MAP7: variants seen among roughly 807,000 people sequenced by gnomAD.
MAP7 encodes the protein microtubule associated protein 7.
A neutral mutation model predicts 94.8 loss-of-function variants in MAP7; 52 were observed. The observed-to-expected ratio is 0.55, with a 90% confidence interval of 0.44 to 0.69. MAP7 has a LOEUF of 0.69. Among genes scored for constraint, MAP7 ranks in the 30% least tolerant of loss-of-function variants. The pLI is 0.00. For missense variants in MAP7, 940 were observed against 964.6 expected (o/e 0.97, Z 0.34); for synonymous variants, 350 against 357.0 (o/e 0.98, Z 0.22).
At chr6:136,444,805 C>A (rs920656910) in intron 1 of MAP7, among the ~76,000 whole-genome samples, 1 of 152,184 alleles carries the variant, frequency 6.6e-6, no homozygotes, top group Non-Finnish European at 1.5e-5. Context: ...TCCATAGGTG[C>A]TTCAAGCTTT....
intron 1 of MAP7, among the ~76,000 whole-genome samples, chr6:136,448,213 G>A (rs981481351): frequency 1.3e-5 from 2 of 151,892 alleles, no homozygotes; most frequent in African/African-American, 2.4e-5. Flanking sequence ...AAAAAGAACT[G>A]AGCTGTTTAA....
intron 1 of MAP7, among the ~76,000 whole-genome samples, chr6:136,492,107 TG>T (rs999631826): frequency 4.0e-5 from 6 of 150,664 alleles, no homozygotes; most frequent in Admixed American, 6.6e-5. Context: ...GGGCAGGGGG[TG>T]GGGGGAGAGA....
intron 3 of MAP7, among the ~76,000 whole-genome samples, chr6:136,393,996 T>C (rs2128679940): frequency 6.9e-6 from 1 of 145,870 alleles, no homozygotes; most frequent in East Asian, 2.0e-4. Context: ...TTTTTTTTTT[T>C]TTTTTGAGAC....
intron 1 of MAP7, among the ~76,000 whole-genome samples, chr6:136,499,744 A>G (rs1461115893): frequency 6.6e-6 from 1 of 152,128 alleles, no homozygotes; most frequent in Non-Finnish European, 1.5e-5. Context: ...CACAGCTGTA[A>G]TCCCAGGACT....
In MAP7 at chr6:136,377,743, G is replaced by A. The variant is rs1238196859; in HGVS notation, c.751+12C>T. 2 of 1,605,182 alleles carry A rather than the reference G, an allele frequency of 1.2e-6. No individual in the cohort carries two copies. Among genetic ancestry groups the A allele is most frequent in the Admixed American group, 3.3e-5 (2 of 60,022 alleles). The stretch of plus-strand genomic sequence containing the variant: ...TGACCTCATGGGGAAAGTTCCACCT[G>A]GACAGTTTTACCTGCTTCTCCAGAC... On this transcript the variant is annotated intron_variant, in intron 7 of 17. Coordinates refer to ENST00000354570, the MANE Select transcript of MAP7 (RefSeq NM_003980.6).
intron 2 of MAP7, among the ~76,000 whole-genome samples, chr6:136,417,413 T>C (rs899802143): frequency 7.2e-5 from 11 of 152,228 alleles, no homozygotes; most frequent in African/African-American, 2.2e-4. Flanking sequence ...AGTACGGTCA[T>C]GCTACTACAG....
Position 136,344,169 on chromosome 6 carries a change from A to C in MAP7, c.*59T>G, listed in dbSNP as rs1187008284. 1.1e-5 allele frequency: 10 copies of C among 923,318 alleles called. No homozygotes were observed. In the East Asian group the frequency reaches 1.2e-4, roughly 11 times the overall value. The allele number at this position is 923,318 out of a possible 1,614,324, so 57.2% of individuals were successfully genotyped here. On this transcript the variant is annotated 3_prime_UTR_variant, in exon 18 of 18. Transcript: ENST00000354570. ...GATGCTCCTTTATAGCAGGAAAGGA[A>C]TTCCATTAATTGTAGAAATTCTCAT...
Position 136,376,298 on chromosome 6 carries a change from C to T in MAP7, c.751+1457G>A, listed in dbSNP as rs566160261. 2.0e-5 allele frequency among the ~76,000 whole-genome samples: 3 copies of T among 151,222 alleles called. No homozygotes were observed. The East Asian group carries it at 5.9e-4, about 30-fold the overall frequency. On this transcript the variant is annotated intron_variant, in intron 7 of 17. Coordinates refer to ENST00000354570, the MANE Select transcript of MAP7 (RefSeq NM_003980.6). ...TATTTTTAGTAGAGACGGGGTTTCA[C>T]CGTGTTAGCCAGGATGGTCTCGATT...
intron 13 of MAP7, 72 bp downstream of exon 13, chr6:136,360,625 C>G: frequency 7.4e-7 from 1 of 1,342,600 alleles, no homozygotes; most frequent in Non-Finnish European, 1.1e-6. Context: ...CGTTTTCTGA[C>G]GGCCAGGGCT....
chr6:136,449,891 TC>T (rs1384673859), intron 1 of MAP7, among the ~76,000 whole-genome samples: 2 of 152,066 alleles, frequency 1.3e-5, no homozygotes, highest in African/African-American at 4.8e-5. Context: ...CTTTTTAAAC[TC>T]CATTTGGAGG....
chr6:136,533,092 G>A (rs979724968), intron 1 of MAP7, among the ~76,000 whole-genome samples: 11 of 152,146 alleles, frequency 7.2e-5, no homozygotes, highest in South Asian at 6.2e-4. Context: ...GACCAACATG[G>A]AGAAACCCCA....
chr6:136,495,479 CACACAT>C (rs1421843189), intron 1 of MAP7, among the ~76,000 whole-genome samples: 1 of 151,700 alleles, frequency 6.6e-6, no homozygotes, highest in African/African-American at 2.4e-5. Context: ...CACACACACA[CACACAT>C]AAACACACAC....
At chr6:136,483,607 G>A (rs1300702190) in intron 1 of MAP7, among the ~76,000 whole-genome samples, 1 of 151,866 alleles carries the variant, frequency 6.6e-6, no homozygotes, top group East Asian at 1.9e-4. Context: ...GCGACATTTG[G>A]CTCCTTTATA....
At chr6:136,535,686 G>A (rs995651617) in intron 1 of MAP7, among the ~76,000 whole-genome samples, 1 of 151,080 alleles carries the variant, frequency 6.6e-6, no homozygotes, top group African/African-American at 2.4e-5. Flanking sequence ...ATTTAGGATT[G>A]AGTGCCAAGC....
intron 3 of MAP7, among the ~76,000 whole-genome samples, chr6:136,409,478 T>C (rs1786683450): frequency 6.6e-6 from 1 of 152,220 alleles, no homozygotes; most frequent in Admixed American, 6.5e-5. Flanking sequence ...AATAATACAA[T>C]CATCTAGATA....
intron 16 of MAP7, among the ~76,000 whole-genome samples, chr6:136,351,847 CG>C (rs1789302635): frequency 6.6e-6 from 1 of 152,118 alleles, no homozygotes; most frequent in Admixed American, 6.6e-5. Context: ...GCTTTCTGGT[CG>C]GTGTGTGCTT....
intron 16 of MAP7, among the ~76,000 whole-genome samples, chr6:136,347,461 A>T (rs1164410017): frequency 6.6e-6 from 1 of 152,086 alleles, no homozygotes; most frequent in Non-Finnish European, 1.5e-5. Flanking sequence ...GCTGGAGTGC[A>T]GTGGTACAGT....
chr6:136,353,641 C>A, intron 16 of MAP7, among the ~76,000 whole-genome samples: 1 of 152,150 alleles, frequency 6.6e-6, no homozygotes, highest in East Asian at 1.9e-4. Flanking sequence ...GCAGCTTTGA[C>A]CTCCTGGGCT....
At chr6:136,434,811 T>C (rs1795936525) in intron 1 of MAP7, among the ~76,000 whole-genome samples, 2 of 152,188 alleles carry the variant, frequency 1.3e-5, no homozygotes, top group Admixed American at 1.3e-4. Context: ...CAAAGTGTGC[T>C]ATGTGGCAGG....
Sources: gnomAD v4.1 joint callset for allele counts (sites outside exome capture counted in the v4.1 genomes callset) on GRCh38, gnomAD v4.1.1 for gene constraint, MANE v1.5 for transcripts, NCBI Gene and HGNC (gene_info 2026-07-23, HGNC 2026-07-21) for gene names.